ZNF837: variants seen among roughly 807,000 people sequenced by gnomAD.
ZNF837 encodes the protein zinc finger protein 837.
For missense variants in ZNF837, 955 were observed against 801.7 expected (o/e 1.19, Z -2.31); for synonymous variants, 475 against 365.2 (o/e 1.30, Z -3.43).
Position 58,368,300 on chromosome 19 carries a change from C to G in ZNF837, c.1033G>C (p.Gly345Arg), listed in dbSNP as rs749485804. ...RAFRLGCPPC[G>R]DYSERSPRRG... ...CGGGGACTCCGCTCGCTGTAGTCCC[C>G]GCAGGGCGGGCACCCCAGCCGGAAG... Residue 345 changes from glycine (G) to arginine (R), a missense_variant, in exon 3 of 3, where the codon GGG (glycine) becomes CGG (arginine). Coordinates refer to ENST00000597582, the MANE Select transcript of ZNF837 (RefSeq NM_138466.2). 2 of 1,484,386 alleles carry G rather than the reference C, an allele frequency of 1.3e-6. No homozygotes were observed. Among genetic ancestry groups the G allele is most frequent in the Non-Finnish European group, 1.8e-6 (2 of 1,126,664 alleles). 92.0% of individuals were successfully genotyped at this position (1,484,386 alleles called of 1,614,324 possible). A position where few individuals can be genotyped will look rare whatever the true frequency, so the allele number is the denominator to read the frequency against.
At position 58,368,162 on chromosome 19, in the gene ZNF837, AG is replaced by A. The variant is rs1230205417; in HGVS notation, c.1170del (p.Tyr391ThrfsTer16). On this transcript the variant is annotated frameshift_variant, in exon 3 of 3. Transcript: ENST00000597582. LOFTEE classifies it low-confidence loss of function (END_TRUNC). ...EHRRVHTGEK[P>X]YACPECGKAF... ...GCCTTGCCGCACTCGGGGCACGCGT[AG>A]GGCTTCTCGCCGGTGTGCACGCGCC... 1.2e-5 allele frequency: 19 copies of A among 1,589,094 alleles called. No individual in the cohort carries two copies. The highest frequency in any genetic ancestry group is 1.5e-5 in the Non-Finnish European group (18 of 1,169,280).
chr19:58,372,433 C>G (rs1033134273), intron 1 of ZNF837, among the ~76,000 whole-genome samples: 2 of 151,510 alleles, frequency 1.3e-5, no homozygotes, highest in Admixed American at 6.6e-5. Flanking sequence ...TTGGGGAGTC[C>G]GGGGGGGGCG....
rs2052149471 is a variant in ZNF837, at chr19:58,367,843, T to G, written c.1490A>C (p.His497Pro). 2 of 1,536,094 alleles carry G rather than the reference T, an allele frequency of 1.3e-6. No homozygotes were observed. The highest frequency in any genetic ancestry group is 1.7e-6 in the Non-Finnish European group (2 of 1,144,790). Reference protein sequence around the residue: ...NCSLVRHLRTHTGERPYACGD... With the variant: ...NCSLVRHLRTPTGERPYACGD... The stretch of plus-strand genomic sequence containing the variant: ...GCACGCGTAGGGCCGCTCGCCCGTG[T>G]GCGTGCGCAGGTGGCGCACCAGGCT... The change falls in exon 3 of 3, where the codon CAC becomes CCC. Residue 497 changes from histidine (H) to proline (P), a missense_variant. Transcript: ENST00000597582.
Position 58,367,819 on chromosome 19 carries a change from C to G in ZNF837, c.1514G>C (p.Cys505Ser), listed in dbSNP as rs1467727458. Residue 505 changes from cysteine (C) to serine (S), a missense_variant, in exon 3 of 3, where the codon TGC becomes TCC. By Grantham distance (112) the Cys-to-Ser change is moderately radical (BLOSUM62 -1). Coordinates refer to ENST00000597582, the MANE Select transcript of ZNF837 (RefSeq NM_138466.2). ...RTHTGERPYA[C>S]GDCGRAFSQR... ...GCTGAAGGCGCGGCCGCAATCTCCG[C>G]ACGCGTAGGGCCGCTCGCCCGTGTG... 2.0e-6 allele frequency: 3 copies of G among 1,536,564 alleles called. No homozygotes were observed. The South Asian group carries it at 3.6e-5, about 18-fold the overall frequency.
At chr19:58,375,212 C>G (rs1222869208) in intron 1 of ZNF837, among the ~76,000 whole-genome samples, 1 of 128,150 alleles carries the variant, frequency 7.8e-6, no homozygotes, top group African/African-American at 3.0e-5. Context: ...GCCGAGATCA[C>G]AACACTGTAC....
chr19:58,373,682 G>A (rs900271806), intron 1 of ZNF837, among the ~76,000 whole-genome samples: 2 of 152,230 alleles, frequency 1.3e-5, no homozygotes, highest in African/African-American at 2.4e-5. Flanking sequence ...CACATGGGGA[G>A]GCAAGCAGCC....
At chr19:58,379,540 C>T (rs1281975402) in intron 1 of ZNF837, among the ~76,000 whole-genome samples, 2 of 152,180 alleles carry the variant, frequency 1.3e-5, no homozygotes, top group Admixed American at 6.5e-5. Flanking sequence ...CCCAGGAGCC[C>T]GTCCTTGATG....
intron 1 of ZNF837, among the ~76,000 whole-genome samples, chr19:58,371,379 G>T (rs1261905087): frequency 6.6e-6 from 1 of 152,326 alleles, no homozygotes; most frequent in East Asian, 1.9e-4. Context: ...CTGCCCTCCA[G>T]CCTGGGCGAC....
chr19:58,376,421 G>A (rs2052246391), intron 1 of ZNF837, among the ~76,000 whole-genome samples: 1 of 151,308 alleles, frequency 6.6e-6, no homozygotes, highest in Non-Finnish European at 1.5e-5. Context: ...CGGGTGTGGT[G>A]GCAGGCGCCT....
chr19:58,373,660 G>T (rs897236839), intron 1 of ZNF837, among the ~76,000 whole-genome samples: 1 of 152,214 alleles, frequency 6.6e-6, no homozygotes, highest in Admixed American at 6.5e-5. Context: ...ACAGGATGGG[G>T]AATGATATGG....
In ZNF837 at chr19:58,367,859, G is replaced by A; in HGVS notation, c.1474C>T (p.Arg492Cys). The change falls in exon 3 of 3, where the codon CGC becomes TGC. Residue 492 changes from arginine (R) to cysteine (C), a missense_variant. Physicochemically the swap from Arg to Cys is radical, Grantham distance 180 (BLOSUM62 -3). Transcript: ENST00000597582. ...KAFVRNCSLV[R>C]HLRTHTGERP... ...TCGCCCGTGTGCGTGCGCAGGTGGC[G>A]CACCAGGCTGCAGTTGCGCACGAAG... 1 of 1,535,034 alleles carries A rather than the reference G, an allele frequency of 6.5e-7. No individual in the cohort carries two copies. Among genetic ancestry groups the A allele is most frequent in the Non-Finnish European group, 8.7e-7 (1 of 1,144,250 alleles).
chr19:58,370,157 G>GTT (rs2148015448), intron 1 of ZNF837, among the ~76,000 whole-genome samples: 1 of 152,334 alleles, frequency 6.6e-6, no homozygotes, highest in African/African-American at 2.4e-5. Context: ...TCTGGAGGTC[G>GTT]TAAGTCCTAA....
At chr19:58,375,633 A>G (rs980428047) in intron 1 of ZNF837, among the ~76,000 whole-genome samples, 5 of 151,098 alleles carry the variant, frequency 3.3e-5, no homozygotes, top group Admixed American at 6.6e-5. Context: ...TTTTTAGTGG[A>G]GATGGGATTT....
chr19:58,377,555 T>C (rs2122135797), intron 1 of ZNF837, among the ~76,000 whole-genome samples: 1 of 151,878 alleles, frequency 6.6e-6, no homozygotes, highest in East Asian at 1.9e-4. Context: ...GGATGATCGC[T>C]TGAGCCTGGG....
rs753048834 is a variant in ZNF837 at position 58,368,921 on chromosome 19, C to A, written c.412G>T (p.Ala138Ser). ...SCLAWHRGAP[A>S]GETPPVCDPC... Reference sequence around the variant, plus strand: ...TCACACACGGGTGGCGTCTCCCCAGCGGGCGCCCCGCGATGCCACGCCAGG... The same window carrying A: ...TCACACACGGGTGGCGTCTCCCCAGAGGGCGCCCCGCGATGCCACGCCAGG... Residue 138 changes from alanine to serine, a missense_variant, in exon 3 of 3, where the codon GCT (alanine) becomes TCT (serine). Ala to Ser is a moderately conservative substitution (Grantham distance 99, BLOSUM62 1). Transcript: ENST00000597582. 1 of 1,546,490 alleles carries A rather than the reference C, an allele frequency of 6.5e-7. No individual in the cohort carries two copies. The highest frequency in any genetic ancestry group is 8.7e-7 in the Non-Finnish European group (1 of 1,145,012).
At chr19:58,373,847 T>C (rs2052220533) in intron 1 of ZNF837, among the ~76,000 whole-genome samples, 1 of 152,222 alleles carries the variant, frequency 6.6e-6, no homozygotes, top group Admixed American at 6.5e-5. Flanking sequence ...TTCTCCAGAA[T>C]GTGGAGTACG....
Position 58,369,172 on chromosome 19 carries a change from G to T in ZNF837, c.161C>A (p.Ala54Glu), listed in dbSNP as rs1225217201. Residue 54 changes from alanine (A) to glutamate (E), a missense_variant, in exon 3 of 3, where the codon GCG (alanine) becomes GAG (glutamate). Ala to Glu is a moderately radical substitution (Grantham distance 107). Transcript: ENST00000597582. ...GCCTGGGGGAGTCGTCCTACCGCCC[G>T]CCGCTCCACGCAGGTCCCCCTTTTG... ...PTQKGDLRGA[A>E]GGRTTPPGGG... 2.1e-6 allele frequency: 3 copies of T among 1,450,828 alleles called. No individual in the cohort carries two copies. Among genetic ancestry groups the T allele is most frequent in the African/African-American group, 2.9e-5 (2 of 67,914 alleles). 89.9% of individuals were successfully genotyped at this position (1,450,828 alleles called of 1,614,324 possible).
intron 1 of ZNF837, among the ~76,000 whole-genome samples, chr19:58,379,887 C>T (rs531251553): frequency 2.5e-4 from 38 of 152,140 alleles, no homozygotes; most frequent in African/African-American, 8.7e-4. Flanking sequence ...CCCAGCTACT[C>T]GGGAGGCTGA....
chr19:58,368,543 CG>C lies in ZNF837; in HGVS notation c.789del (p.Asp264ThrfsTer143). 1.3e-6 allele frequency: 2 copies of C among 1,536,464 alleles called. No homozygotes were observed. ...GCGTACAGTCGCTGGGCCGGGGGGT[CG>C]GGGACAATAGGGCGAGGTCGCGAGG... ...GQTSRPRPIV[P>X]DPPAQRLYAC... is the part of the protein sequence containing the mutation. On this transcript the variant is annotated frameshift_variant, in exon 3 of 3. Transcript: ENST00000597582. LOFTEE classifies it low-confidence loss of function (END_TRUNC).
Sources: allele counts gnomAD v4.1 joint callset (sites outside exome capture counted in the v4.1 genomes callset), GRCh38; gene constraint gnomAD v4.1.1; transcripts MANE v1.5; gene names NCBI Gene and HGNC (gene_info 2026-07-23, HGNC 2026-07-21).